The following TEX9 variants were observed in gnomAD, a reference collection of about 807,000 sequenced individuals.
The protein encoded by TEX9 is testis expressed 9.
TEX9 carries 74 observed loss-of-function variants against 59.6 expected under a neutral mutation model. The ratio of observed to expected loss-of-function variants is 1.24; its 90% CI spans 1.03 to 1.51. TEX9 has a LOEUF of 1.51. Ranked by LOEUF, TEX9 falls within the 40% of genes most tolerant of loss-of-function variation. The pLI is 0.00. For missense variants in TEX9, 522 were observed against 447.8 expected (o/e 1.17, Z -1.49); for synonymous variants, 186 against 152.2 (o/e 1.22, Z -1.64).
At chr15:56,290,109 G>C (rs1389426376) in intron 1 of TEX9, among the ~76,000 whole-genome samples, 1 of 152,176 alleles carries the variant, frequency 6.6e-6, no homozygotes, top group African/African-American at 2.4e-5. Context: ...GTGGGTGCAC[G>C]TGGAGCTGCC....
chr15:56,436,176 CTTA>C (rs1242521151), intron 12 of TEX9, among the ~76,000 whole-genome samples: 2 of 152,164 alleles, frequency 1.3e-5, no homozygotes, highest in African/African-American at 2.4e-5. Flanking sequence ...CCACACCGCA[CTTA>C]TTCCAAAGTT....
At chr15:56,349,325 T>C (rs1596108646) in intron 1 of TEX9, among the ~76,000 whole-genome samples, 2 of 152,304 alleles carry the variant, frequency 1.3e-5, no homozygotes, top group Non-Finnish European at 2.9e-5. Context: ...GGGAAACAGC[T>C]CAAATCTAAT....
chr15:56,444,728 A>C, intron 12 of TEX9: 1 of 1,368,626 alleles, frequency 7.3e-7, no homozygotes, highest in Non-Finnish European at 1.0e-6. Context: ...ATAGTACGAT[A>C]GTATATTTTA....
At chr15:56,301,487 G>A (rs2045359757) in intron 1 of TEX9, among the ~76,000 whole-genome samples, 1 of 152,000 alleles carries the variant, frequency 6.6e-6, no homozygotes, top group South Asian at 2.1e-4. Context: ...ACCAAAAGGT[G>A]TTTAATAATC....
intron 1 of TEX9, among the ~76,000 whole-genome samples, chr15:56,328,562 G>A (rs562413523): frequency 7.9e-5 from 12 of 152,258 alleles, no homozygotes; most frequent in Non-Finnish European, 1.6e-4. Context: ...CACCTGAAGG[G>A]CAAGTCCCAG....
At chr15:56,413,501 C>A (rs1222030035) in intron 10 of TEX9, among the ~76,000 whole-genome samples, 1 of 151,130 alleles carries the variant, frequency 6.6e-6, no homozygotes, top group Non-Finnish European at 1.5e-5. Flanking sequence ...TCCATGAACT[C>A]TTTTCATCTT....
At chr15:56,284,841 C>G (rs2044910258) in intron 1 of TEX9, among the ~76,000 whole-genome samples, 2 of 152,006 alleles carry the variant, frequency 1.3e-5, no homozygotes, top group African/African-American at 4.8e-5. Context: ...CATTTGGTCT[C>G]TCTGTTTTAA....
Position 56,439,208 on chromosome 15 carries a change from T to G in TEX9, c.*30-6463T>G, listed in dbSNP as rs143675251. ...GCTCAAAAAATGAAACACTTAGATG[T>G]AACAAAACACGTACAGGATTTGTAT... On this transcript the variant is annotated intron_variant, in intron 12 of 12. Coordinates refer to ENST00000352903, the Ensembl canonical transcript of TEX9. 3.5e-3 allele frequency among the ~76,000 whole-genome samples: 527 copies of G among 152,244 alleles called. 1 individual carries two copies. Among genetic ancestry groups the G allele is most frequent in the South Asian group, 0.023 (109 of 4,826 alleles).
intron 1 of TEX9, among the ~76,000 whole-genome samples, chr15:56,254,762 A>G (rs2044104912): frequency 6.6e-6 from 1 of 150,862 alleles, no homozygotes; most frequent in Admixed American, 6.6e-5. Context: ...TATAATTTTA[A>G]GAAAATATAA....
At chr15:56,279,930 A>T (rs2044775197) in intron 1 of TEX9, among the ~76,000 whole-genome samples, 1 of 152,232 alleles carries the variant, frequency 6.6e-6, no homozygotes, top group African/African-American at 2.4e-5. Context: ...AGAAATATGC[A>T]TTCAGTAGAA....
At chr15:56,402,529 T>A (rs1567126581) in intron 9 of TEX9, among the ~76,000 whole-genome samples, 2 of 152,138 alleles carry the variant, frequency 1.3e-5, no homozygotes, top group South Asian at 2.1e-4. Flanking sequence ...CAGAACCAGA[T>A]GGATTCACAG....
intron 1 of TEX9, among the ~76,000 whole-genome samples, chr15:56,322,510 A>G (rs2045925082): frequency 6.6e-6 from 1 of 152,178 alleles, no homozygotes; most frequent in South Asian, 2.1e-4. Context: ...CTGTCTCATC[A>G]TTGAAATGAT....
chr15:56,387,912 T>C (rs2048032908), intron 4 of TEX9, among the ~76,000 whole-genome samples: 1 of 151,998 alleles, frequency 6.6e-6, no homozygotes. Context: ...GAAAACCTTG[T>C]GTATAAAAAT....
chr15:56,255,624 G>A (rs1451430730), intron 1 of TEX9, among the ~76,000 whole-genome samples: 1 of 152,010 alleles, frequency 6.6e-6, no homozygotes, highest in Non-Finnish European at 1.5e-5. Context: ...GGTTTGACAA[G>A]ATAAAAAATG....
intron 1 of TEX9, among the ~76,000 whole-genome samples, chr15:56,286,362 G>A (rs1314076339): frequency 1.7e-4 from 26 of 152,248 alleles, no homozygotes; most frequent in South Asian, 1.2e-3. Context: ...GAGGATAGGC[G>A]ATGAAAATGA....
At chr15:56,452,613 G>A in the TEX9 span, among the ~76,000 whole-genome samples, 1 of 151,656 alleles carries the variant, frequency 6.6e-6, no homozygotes, top group African/African-American at 2.4e-5. Context: ...CCGCCTCCCA[G>A]GTTCAAGCGA....
At chr15:56,333,729 C>G (rs551903013) in intron 1 of TEX9, among the ~76,000 whole-genome samples, 3 of 152,216 alleles carry the variant, frequency 2.0e-5, no homozygotes, top group South Asian at 2.1e-4. Context: ...AGGAAAAAGT[C>G]AAATTATCCT....
chr15:56,318,149 A>C (rs1355491415), intron 1 of TEX9, among the ~76,000 whole-genome samples: 2 of 151,934 alleles, frequency 1.3e-5, no homozygotes, highest in Admixed American at 1.3e-4. Flanking sequence ...ATATATTTTG[A>C]AGCTCTGTTG....
chr15:56,445,507 T>C (rs1333355930), intron 12 of TEX9, among the ~76,000 whole-genome samples: 1 of 152,070 alleles, frequency 6.6e-6, no homozygotes, highest in African/African-American at 2.4e-5. Flanking sequence ...CTGACGTCAC[T>C]GAAGCCTTTA....
Sources: gnomAD v4.1 joint callset for allele counts (sites outside exome capture counted in the v4.1 genomes callset) on GRCh38, gnomAD v4.1.1 for gene constraint, MANE v1.5 for transcripts, NCBI Gene and HGNC (gene_info 2026-07-23, HGNC 2026-07-21) for gene names.